Variants in PDZD2 observed in about 807,000 individuals in gnomAD.
PDZD2 encodes PDZ domain containing 2.
In PDZD2, 90 loss-of-function variants were observed where a neutral mutation model predicts 220.7. That is an observed-to-expected ratio of 0.41 (90% CI 0.34 to 0.49). PDZD2 has a LOEUF of 0.49. PDZD2 is among the 20% of genes least tolerant of loss of function. The probability of loss-of-function intolerance (pLI) is 0.28; values close to 1 mark genes in which losing one functional copy is unlikely to be tolerated. For synonymous variants in PDZD2, 1,375 were observed against 1,450.5 expected, an observed-to-expected ratio of 0.95 and a Z score of 1.18; for missense variants, 3,174 against 3,608.5, an observed-to-expected ratio of 0.88 and a Z score of 3.08.
intron 2 of PDZD2, among the ~76,000 whole-genome samples, chr5:31,879,822 C>T (rs1739695348): frequency 6.6e-6 from 1 of 151,668 alleles, no homozygotes; most frequent in Admixed American, 6.6e-5. Flanking sequence ...AAAAAAAGTG[C>T]CTTCAGTGAC....
At chr5:31,878,857 G>C (rs576298364) in intron 2 of PDZD2, among the ~76,000 whole-genome samples, 4 of 151,486 alleles carry the variant, frequency 2.6e-5, no homozygotes, top group Middle Eastern at 3.5e-3. Flanking sequence ...CACCGCGCCG[G>C]GCCGACCTCG....
Position 31,837,108 on chromosome 5 carries a change from A to G in PDZD2, c.476+37384A>G, listed in dbSNP as rs1020745116. 3.9e-5 allele frequency among the ~76,000 whole-genome samples: 6 copies of G among 152,202 alleles called. No individual in the cohort carries two copies. In the East Asian group the frequency reaches 1.2e-3, roughly 29 times the overall value. On this transcript the variant is annotated intron_variant, in intron 2 of 24. Transcript: ENST00000438447. ...ACTAATCCACTTCTGGAAGAAGAGGAAAGGTGTACTTGAGTTAATTCCTGC... is the reference window on the plus strand; with the variant it reads ...ACTAATCCACTTCTGGAAGAAGAGGGAAGGTGTACTTGAGTTAATTCCTGC...
chr5:31,986,756 TTAA>T (rs1750754830), intron 3 of PDZD2, among the ~76,000 whole-genome samples: 1 of 152,152 alleles, frequency 6.6e-6, no homozygotes, highest in Non-Finnish European at 1.5e-5. Flanking sequence ...CTGCAAAAAC[TTAA>T]TAAATGACAA....
At position 31,647,611 on chromosome 5, in the gene PDZD2, T is replaced by A. The variant is rs138575665; in HGVS notation, c.-361+8174T>A. On this transcript the variant is annotated intron_variant, in intron 1 of 24. Transcript: ENST00000438447. ...CTGTGTGTCTGTGTCTTCTCTCTTG[T>A]CTGCATGTCTCTACTTTGTGTGTCT... Among the ~76,000 whole-genome samples, 17 of 152,346 alleles carry A rather than the reference T, an allele frequency of 1.1e-4. No homozygotes were observed. The East Asian group carries it at 3.3e-3, about 29-fold the overall frequency.
chr5:31,671,732 G>A (rs527693442), intron 1 of PDZD2, among the ~76,000 whole-genome samples: 2 of 152,344 alleles, frequency 1.3e-5, no homozygotes, highest in South Asian at 2.1e-4. Flanking sequence ...TGCAAAATTC[G>A]AGAAACCAGA....
chr5:31,674,526 T>C (rs954939184), intron 1 of PDZD2, among the ~76,000 whole-genome samples: 1 of 152,170 alleles, frequency 6.6e-6, no homozygotes, highest in African/African-American at 2.4e-5. Context: ...AAGCCAGATG[T>C]CTAGAAACCG....
intron 1 of PDZD2, among the ~76,000 whole-genome samples, chr5:31,664,552 A>G (rs1025396332): frequency 2.6e-5 from 4 of 152,104 alleles, no homozygotes; most frequent in Non-Finnish European, 5.9e-5. Context: ...TCTACACCAA[A>G]GCCACAAATG....
chr5:31,949,858 A>C (rs1355733307), intron 2 of PDZD2, among the ~76,000 whole-genome samples: 2 of 130,384 alleles, frequency 1.5e-5, no homozygotes, highest in Admixed American at 7.7e-5. Flanking sequence ...TTTTTTTTTA[A>C]TTTTTAGTAG....
At chr5:31,939,825 T>G (rs1228713369) in intron 2 of PDZD2, among the ~76,000 whole-genome samples, 3 of 152,180 alleles carry the variant, frequency 2.0e-5, no homozygotes, top group African/African-American at 7.2e-5. Context: ...ATTTATCATT[T>G]TTTTCCTTAT....
chr5:31,773,335 G>A (rs1272515966), intron 1 of PDZD2, among the ~76,000 whole-genome samples: 2 of 152,098 alleles, frequency 1.3e-5, no homozygotes, highest in African/African-American at 2.4e-5. Flanking sequence ...GTCTTATGAT[G>A]TATTCAATAT....
At chr5:31,711,151 G>T (rs1340510380) in intron 1 of PDZD2, among the ~76,000 whole-genome samples, 1 of 152,140 alleles carries the variant, frequency 6.6e-6, no homozygotes, top group Non-Finnish European at 1.5e-5. Context: ...CACGCCAGAT[G>T]TTCATCATGG....
At chr5:31,947,852 T>A (rs1746787275) in intron 2 of PDZD2, among the ~76,000 whole-genome samples, 1 of 144,288 alleles carries the variant, frequency 6.9e-6, no homozygotes, top group Non-Finnish European at 1.5e-5. Flanking sequence ...ATGGGGACAG[T>A]GAGAGAGAGA....
intron 1 of PDZD2, among the ~76,000 whole-genome samples, chr5:31,734,565 C>T (rs28541418): frequency 0.065 from 9,841 of 152,144 alleles, 607 homozygotes; most frequent in African/African-American, 0.16. Context: ...GTGATCCACC[C>T]ACCTCAGCCT....
rs145252530 is a variant in PDZD2 at position 32,088,862 on chromosome 5, T to G, written c.5414T>G (p.Ile1805Arg). ...RRPIMAWFKEINKHNQGTHLR... is the reference protein window; with the variant it reads ...RRPIMAWFKERNKHNQGTHLR... ...CCCATCATGGCCTGGTTTAAAGAAA[T>G]AAATAAACATAACCAAGGCACACAT... The change falls in exon 20 of 25, where the codon ATA becomes AGA. Residue 1805 changes from isoleucine (I) to arginine (R), a missense_variant. Coordinates refer to ENST00000438447, the MANE Select transcript of PDZD2 (RefSeq NM_178140.4). This position sits in a 1 kb window ranked among gnomAD's most constrained non-coding sequence, Gnocchi z 4.6. 579 of 1,613,476 alleles carry G rather than the reference T, an allele frequency of 3.6e-4. No homozygotes were observed. The highest frequency in any genetic ancestry group is 4.4e-4 in the Non-Finnish European group (522 of 1,179,932).
At chr5:31,982,597 C>T (rs374870941) in intron 2 of PDZD2, among the ~76,000 whole-genome samples, 1 of 152,208 alleles carries the variant, frequency 6.6e-6, no homozygotes, top group South Asian at 2.1e-4. Flanking sequence ...TGAGCCACTG[C>T]ACCCAGCCAT....
At chr5:31,932,152 G>T (rs963860911) in intron 2 of PDZD2, among the ~76,000 whole-genome samples, 4 of 152,172 alleles carry the variant, frequency 2.6e-5, no homozygotes, top group Admixed American at 6.5e-5. Flanking sequence ...AGTGCTTCCT[G>T]TTGTTTTTAA....
At position 31,652,387 on chromosome 5, in the gene PDZD2, A is replaced by G. The variant is rs557157842; in HGVS notation, c.-361+12950A>G. Among the ~76,000 whole-genome samples the G allele has an allele frequency of 1.5e-3, 223 of 152,318 alleles. 1 individual carries two copies. Among genetic ancestry groups the G allele is most frequent in the Non-Finnish European group, 2.3e-3 (158 of 68,034 alleles). The stretch of plus-strand genomic sequence containing the variant: ...GGTTTGCCAACAATGGCGGTCCTGC[A>G]GATAGGAGATGGGTGCTTTCCATAA... On this transcript the variant is annotated intron_variant, in intron 1 of 24. Coordinates refer to ENST00000438447, the MANE Select transcript of PDZD2 (RefSeq NM_178140.4).
intron 2 of PDZD2, among the ~76,000 whole-genome samples, chr5:31,982,033 G>T (rs549621501): frequency 6.6e-6 from 1 of 152,080 alleles, no homozygotes; most frequent in African/African-American, 2.4e-5. Context: ...ATGAAAAAGC[G>T]ACTGACCCTG....
intron 4 of PDZD2, 24 bp downstream of exon 4, chr5:31,995,742 C>A: frequency 1.2e-6 from 2 of 1,605,584 alleles, no homozygotes; most frequent in Non-Finnish European, 1.7e-6. Context: ...TCTCCCCTCT[C>A]CCCCATCCCT....
Sources: allele counts gnomAD v4.1 joint callset (sites outside exome capture counted in the v4.1 genomes callset), GRCh38; gene constraint gnomAD v4.1.1; non-coding constraint Gnocchi (gnomAD v3.1); transcripts MANE v1.5; gene names NCBI Gene and HGNC (gene_info 2026-07-23, HGNC 2026-07-21).